RAD51B: variants seen among roughly 807,000 people sequenced by gnomAD.
The protein encoded by RAD51B is RAD51 paralog B.
A neutral mutation model predicts 42.2 loss-of-function variants in RAD51B; 38 were observed. The observed-to-expected ratio is 0.90, with a 90% confidence interval of 0.70 to 1.18. The LOEUF (loss-of-function observed/expected upper bound fraction) is 1.18, where lower values mean the gene tolerates loss of function less well. RAD51B is among the 50% of genes most tolerant of loss of function. The pLI is 0.00. For synonymous variants in RAD51B, 154 were observed against 145.2 expected (o/e 1.06, Z -0.43); for missense variants, 373 against 400.7 (o/e 0.93, Z 0.59).
At chr14:68,590,945 G>T (rs148390501) in intron 10 of RAD51B, among the ~76,000 whole-genome samples, 9 of 152,278 alleles carry the variant, frequency 5.9e-5, no homozygotes, top group Non-Finnish European at 1.2e-4. Context: ...CTAGGCGACT[G>T]CTCCTACCTG....
intron 5 of RAD51B, among the ~76,000 whole-genome samples, chr14:67,867,949 G>T (rs1328154559): frequency 6.6e-6 from 1 of 152,140 alleles, no homozygotes; most frequent in East Asian, 1.9e-4. Flanking sequence ...TAGAATTTAG[G>T]GTACGTGAGA....
At chr14:68,448,847 T>A (rs2085485787) in intron 9 of RAD51B, among the ~76,000 whole-genome samples, 1 of 152,164 alleles carries the variant, frequency 6.6e-6, no homozygotes, top group African/African-American at 2.4e-5. Context: ...TGTTTTTGTT[T>A]GTTTATTCTG....
At chr14:68,529,390 G>T (rs768883429) in intron 10 of RAD51B, among the ~76,000 whole-genome samples, 2 of 152,188 alleles carry the variant, frequency 1.3e-5, no homozygotes, top group Non-Finnish European at 2.9e-5. Context: ...TACAGACAGG[G>T]TTTCGCCATG....
intron 10 of RAD51B, among the ~76,000 whole-genome samples, chr14:68,510,760 T>G (rs1254679758): frequency 6.6e-6 from 1 of 152,138 alleles, no homozygotes; most frequent in African/African-American, 2.4e-5. Context: ...GTTGCCATGA[T>G]TTTCATTATG....
At chr14:68,343,416 C>T (rs1474273653) in intron 8 of RAD51B, among the ~76,000 whole-genome samples, 1 of 152,046 alleles carries the variant, frequency 6.6e-6, no homozygotes, top group Non-Finnish European at 1.5e-5. Context: ...AATATCATTG[C>T]CCAGAATAAT....
intron 8 of RAD51B, among the ~76,000 whole-genome samples, chr14:68,400,218 C>T (rs147563056): frequency 2.4e-4 from 36 of 152,270 alleles, no homozygotes; most frequent in Non-Finnish European, 4.6e-4. Context: ...TGGGTGGCCA[C>T]CTGGCTTTCT....
chr14:68,138,439 A>T (rs1420715751), intron 7 of RAD51B, among the ~76,000 whole-genome samples: 2 of 152,208 alleles, frequency 1.3e-5, no homozygotes, highest in African/African-American at 4.8e-5. Flanking sequence ...ATTACCAAAG[A>T]ACTTTACTGA....
At position 68,653,964 on chromosome 14, in the gene RAD51B, T is replaced by A. The variant is rs367839767; in HGVS notation, c.*11+3108T>A. On this transcript the variant is annotated intron_variant, in intron 11 of 11. Transcript: ENST00000488612. ...GAGGATGAATGGGGGCTGGCCCCAG[T>A]GTCTAAAGGGCCTTGTGTGACTGGG... Among the ~76,000 whole-genome samples the A allele has an allele frequency of 5.9e-5, 9 of 152,380 alleles. No homozygotes were observed. In the East Asian group the frequency reaches 1.3e-3, roughly 23 times the overall value.
chr14:67,967,249 T>C (rs1373664661), intron 7 of RAD51B, among the ~76,000 whole-genome samples: 1 of 152,198 alleles, frequency 6.6e-6, no homozygotes, highest in Non-Finnish European at 1.5e-5. Flanking sequence ...AGGGGAATTA[T>C]GGGAGTACAG....
At chr14:67,833,234 G>T (rs1010714374) in intron 3 of RAD51B, among the ~76,000 whole-genome samples, 3 of 152,090 alleles carry the variant, frequency 2.0e-5, no homozygotes, top group South Asian at 2.1e-4. Context: ...AAATTAGCCG[G>T]GTCTGGTGGC....
At position 68,161,778 on chromosome 14, in the gene RAD51B, C is replaced by T. The variant is rs139333660; in HGVS notation, c.757-130106C>T. Among the ~76,000 whole-genome samples, 21 of 152,342 alleles carry T rather than the reference C, an allele frequency of 1.4e-4. 1 individual carries two copies. In the East Asian group the frequency reaches 3.3e-3, roughly 24 times the overall value. On this transcript the variant is annotated intron_variant, in intron 7 of 10. Coordinates refer to ENST00000471583, the MANE Select transcript of RAD51B (RefSeq NM_133510.4). ...CTAAAGCCCATCTCTTTTCTCCACA[C>T]CTTGTATCCCTAGAACATCATGCTT...
chr14:67,886,289 A>G (rs1026179724), intron 6 of RAD51B, among the ~76,000 whole-genome samples: 3 of 152,166 alleles, frequency 2.0e-5, no homozygotes, highest in African/African-American at 7.2e-5. Context: ...TATTTCACAT[A>G]GTTTCTGAGG....
chr14:68,118,096 C>T (rs924287769), intron 7 of RAD51B, among the ~76,000 whole-genome samples: 1 of 152,082 alleles, frequency 6.6e-6, no homozygotes, highest in Non-Finnish European at 1.5e-5. Flanking sequence ...TTGCCATCAA[C>T]AAGGATATTT....
intron 8 of RAD51B, among the ~76,000 whole-genome samples, chr14:68,312,955 G>C (rs561389572): frequency 2.0e-4 from 30 of 152,300 alleles, no homozygotes; most frequent in Admixed American, 1.1e-3. Context: ...CCTTGGTTGG[G>C]TTGTCTTGAG....
intron 7 of RAD51B, among the ~76,000 whole-genome samples, chr14:68,187,665 A>G (rs890922098): frequency 6.6e-6 from 1 of 152,226 alleles, no homozygotes; most frequent in Non-Finnish European, 1.5e-5. Context: ...TGATATTAGC[A>G]TGTTTGTATA....
chr14:68,251,588 T>C (rs1017845556), intron 7 of RAD51B, among the ~76,000 whole-genome samples: 2 of 152,228 alleles, frequency 1.3e-5, no homozygotes, highest in Non-Finnish European at 2.9e-5. Flanking sequence ...GTCTGAAGCA[T>C]CCTGCAGGTG....
At chr14:68,517,634 A>G (rs1886253208) in intron 10 of RAD51B, among the ~76,000 whole-genome samples, 1 of 152,232 alleles carries the variant, frequency 6.6e-6, no homozygotes, top group Non-Finnish European at 1.5e-5. Flanking sequence ...TACTTGTAGC[A>G]TTTACAGGTA....
chr14:68,031,713 A>G (rs776068648), intron 7 of RAD51B, among the ~76,000 whole-genome samples: 10 of 152,190 alleles, frequency 6.6e-5, no homozygotes, highest in Non-Finnish European at 1.3e-4. Flanking sequence ...GCAGTTTCAG[A>G]TATTTTCCAC....
At chr14:68,517,781 GTTTT>G (rs766703722) in intron 10 of RAD51B, among the ~76,000 whole-genome samples, 79 of 152,292 alleles carry the variant, frequency 5.2e-4, no homozygotes, top group Admixed American at 1.2e-3. Context: ...TGAGAAAGGC[GTTTT>G]ATTTAAGGGA....
Sources: allele counts gnomAD v4.1 joint callset (sites outside exome capture counted in the v4.1 genomes callset), GRCh38; gene constraint gnomAD v4.1.1; transcripts MANE v1.5; gene names NCBI Gene and HGNC (gene_info 2026-07-23, HGNC 2026-07-21).